Variants in LHFPL3 observed in about 807,000 individuals in gnomAD.
LHFPL3 encodes the protein LHFPL tetraspan subfamily member 3 protein.
A neutral mutation model predicts 19.3 loss-of-function variants in LHFPL3; 5 were observed. The ratio of observed to expected loss-of-function variants is 0.26; its 90% CI spans 0.14 to 0.54. LHFPL3 has a LOEUF of 0.54. Among genes scored for constraint, LHFPL3 ranks in the 20% least tolerant of loss-of-function variants. LHFPL3 has a pLI of 0.94. For synonymous variants in LHFPL3, 133 were observed against 126.2 expected (o/e 1.05, Z -0.36); for missense variants, 249 against 307.4 (o/e 0.81, Z 1.42).
chr7:104,596,875 T>C (rs999358426), intron 1 of LHFPL3, among the ~76,000 whole-genome samples: 10 of 152,250 alleles, frequency 6.6e-5, no homozygotes, highest in Non-Finnish European at 2.9e-5. Flanking sequence ...TCTCCCCAAG[T>C]GACCATGAGC....
At chr7:104,481,758 T>C (rs1235264272) in intron 1 of LHFPL3, among the ~76,000 whole-genome samples, 1 of 152,178 alleles carries the variant, frequency 6.6e-6, no homozygotes, top group Admixed American at 6.5e-5. Flanking sequence ...ATTATAGCCA[T>C]AGACTACTCA....
At chr7:104,453,668 G>T (rs1363783986) in intron 1 of LHFPL3, among the ~76,000 whole-genome samples, 1 of 152,150 alleles carries the variant, frequency 6.6e-6, no homozygotes, top group East Asian at 2.0e-4. Flanking sequence ...AATCCCCAGC[G>T]TTGGAGGTGG....
chr7:104,661,538 A>G (rs1277408511), intron 1 of LHFPL3, among the ~76,000 whole-genome samples: 1 of 152,206 alleles, frequency 6.6e-6, no homozygotes, highest in African/African-American at 2.4e-5. Flanking sequence ...AAAGAAAAGA[A>G]AAAGATATTT....
intron 1 of LHFPL3, among the ~76,000 whole-genome samples, chr7:104,505,474 A>G (rs1793678697): frequency 1.3e-5 from 2 of 152,230 alleles, no homozygotes; most frequent in Middle Eastern, 3.2e-3. Flanking sequence ...TCTGGTAAAG[A>G]TGAAGACTGG....
At chr7:104,614,001 T>C (rs1791259842) in intron 1 of LHFPL3, among the ~76,000 whole-genome samples, 9 of 152,154 alleles carry the variant, frequency 5.9e-5, no homozygotes. Flanking sequence ...GTGTCTTTTC[T>C]AATGATCATA....
intron 1 of LHFPL3, among the ~76,000 whole-genome samples, chr7:104,709,641 G>A (rs1447387153): frequency 6.6e-6 from 1 of 151,372 alleles, no homozygotes; most frequent in Non-Finnish European, 1.5e-5. Flanking sequence ...TTTCTACACA[G>A]ACACAGTAAC....
chr7:104,832,960 G>GTATATATATA (rs71748649), intron 2 of LHFPL3, among the ~76,000 whole-genome samples: 2 of 62,922 alleles, frequency 3.2e-5, no homozygotes, highest in African/African-American at 6.6e-5. Flanking sequence ...CTAATAGGAT[G>GTATATATATA]TATATATATA....
chr7:104,398,840 GCC>G (rs552777620), intron 1 of LHFPL3, among the ~76,000 whole-genome samples: 6 of 113,614 alleles, frequency 5.3e-5, no homozygotes, highest in East Asian at 2.3e-4. Flanking sequence ...GTTTTCTGAT[GCC>G]CGCCCCCCGG....
At chr7:104,506,018 ATT>A (rs35956092) in intron 1 of LHFPL3, among the ~76,000 whole-genome samples, 81 of 146,032 alleles carry the variant, frequency 5.5e-4, no homozygotes, top group Non-Finnish European at 8.3e-4. Context: ...ATGAAAACTG[ATT>A]TTTTTTTTTT....
At position 104,536,532 on chromosome 7, in the gene LHFPL3, C is replaced by A. The variant is rs569004726; in HGVS notation, c.446-200143C>A. On this transcript the variant is annotated intron_variant, in intron 1 of 2. Transcript: ENST00000424859. ...CCCTAAAATAAGAATAAATAATTGG[C>A]TTTTTCTCAATATCAATTAAAGTTG... 1.1e-4 allele frequency among the ~76,000 whole-genome samples: 17 copies of A among 152,270 alleles called. No individual in the cohort carries two copies. The South Asian group carries it at 3.5e-3, about 32-fold the overall frequency.
intron 2 of LHFPL3, chr7:104,895,975 GC>G (rs1292418129): frequency 6.6e-6 from 1 of 152,240 alleles, no homozygotes; most frequent in African/African-American, 2.4e-5. Context: ...TTCTCCTGAG[GC>G]CCCTCTCCTT....
intron 1 of LHFPL3, among the ~76,000 whole-genome samples, chr7:104,529,819 ACTGGGTGGAAGTC>A (rs1056664216): frequency 2.0e-5 from 3 of 152,194 alleles, no homozygotes; most frequent in African/African-American, 7.2e-5. Context: ...GGATGGAGGC[ACTGGGTGGAAGTC>A]CAGAGTCAAA....
chr7:104,638,098 T>C (rs1203325275), intron 1 of LHFPL3, among the ~76,000 whole-genome samples: 2 of 152,166 alleles, frequency 1.3e-5, no homozygotes, highest in Admixed American at 1.3e-4. Flanking sequence ...ACTTTAGAGA[T>C]GTTTCACCCC....
intron 1 of LHFPL3, among the ~76,000 whole-genome samples, chr7:104,377,254 A>G (rs541089573): frequency 3.3e-4 from 50 of 152,340 alleles, no homozygotes; most frequent in African/African-American, 1.2e-3. Context: ...TCCCTAGGAA[A>G]GGTGACTGAG....
intron 1 of LHFPL3, among the ~76,000 whole-genome samples, chr7:104,397,827 ACTT>A (rs1325203062): frequency 6.6e-6 from 1 of 152,182 alleles, no homozygotes; most frequent in Non-Finnish European, 1.5e-5. Flanking sequence ...GTGTGGGGGA[ACTT>A]GACAGTGAAC....
At position 104,341,859 on chromosome 7, in the gene LHFPL3, G is replaced by A. The variant is rs565297628; in HGVS notation, c.445+12635G>A. ...CTGCCTGTAGGATGATATTCTAGAG[G>A]ACGGAGGGTGGAGGATAAAATATGA... is the stretch of plus-strand genomic sequence containing the variant. On this transcript the variant is annotated intron_variant, in intron 1 of 2. Transcript: ENST00000424859. Among the ~76,000 whole-genome samples the A allele has an allele frequency of 2.6e-5, 4 of 152,028 alleles. No individual in the cohort carries two copies. In the South Asian group the frequency reaches 6.2e-4, roughly 24 times the overall value.
intron 2 of LHFPL3, among the ~76,000 whole-genome samples, chr7:104,741,362 A>G (rs995500892): frequency 6.6e-6 from 1 of 151,738 alleles, no homozygotes; most frequent in Non-Finnish European, 1.5e-5. Flanking sequence ...GAAGGCAACA[A>G]GTTTGAAGAC....
chr7:104,890,207 T>C (rs981530219), intron 2 of LHFPL3, among the ~76,000 whole-genome samples: 3 of 152,154 alleles, frequency 2.0e-5, no homozygotes, highest in East Asian at 1.9e-4. Flanking sequence ...AGAGCCTGAG[T>C]TGGGAGGGTC....
chr7:104,414,042 T>G (rs1791577495), intron 1 of LHFPL3, among the ~76,000 whole-genome samples: 1 of 152,100 alleles, frequency 6.6e-6, no homozygotes. Flanking sequence ...GAATATTTAA[T>G]GTTAATCCCT....
Sources: allele counts gnomAD v4.1 joint callset (sites outside exome capture counted in the v4.1 genomes callset), GRCh38; gene constraint gnomAD v4.1.1; transcripts MANE v1.5; gene names NCBI Gene and HGNC (gene_info 2026-07-23, HGNC 2026-07-21).